The following HS2ST1 variants were observed in gnomAD, a reference collection of about 807,000 sequenced individuals.
HS2ST1 encodes 2-O-sulfotransferase.
In HS2ST1, 18 loss-of-function variants were observed where a neutral mutation model predicts 42.9. That is an observed-to-expected ratio of 0.42 (90% CI 0.29 to 0.62). The LOEUF is 0.62. Among genes scored for constraint, HS2ST1 ranks in the 20% least tolerant of loss-of-function variants. The pLI, the probability that HS2ST1 is intolerant of heterozygous loss-of-function variation, is 0.21. For synonymous variants in HS2ST1, 146 were observed against 152.9 expected (o/e 0.95, Z 0.33); for missense variants, 334 against 433.8 (o/e 0.77, Z 2.04).
chr1:87,093,040 T>A (rs1651983600), intron 4 of HS2ST1, among the ~76,000 whole-genome samples: 1 of 152,104 alleles, frequency 6.6e-6, no homozygotes, highest in Non-Finnish European at 1.5e-5. Context: ...AGGACACTAT[T>A]TTGCTGAAGC....
intron 1 of HS2ST1, among the ~76,000 whole-genome samples, chr1:86,934,160 C>T (rs1381854588): frequency 6.6e-6 from 1 of 152,154 alleles, no homozygotes; most frequent in Non-Finnish European, 1.5e-5. Context: ...TTGTATTTCT[C>T]TTCCCACAAG....
chr1:86,972,465 G>T (rs889968030), intron 1 of HS2ST1, among the ~76,000 whole-genome samples: 1 of 151,990 alleles, frequency 6.6e-6, no homozygotes, highest in Non-Finnish European at 1.5e-5. Flanking sequence ...CATCCTCCTG[G>T]CTCAGCCCCA....
intron 1 of HS2ST1, among the ~76,000 whole-genome samples, chr1:86,946,415 T>C (rs1311232668): frequency 1.3e-5 from 2 of 152,210 alleles, no homozygotes; most frequent in Non-Finnish European, 2.9e-5. Flanking sequence ...TAGAACTCTT[T>C]TTACCAAACT....
At chr1:87,095,112 A>C (rs568220499) in intron 4 of HS2ST1, among the ~76,000 whole-genome samples, 1 of 152,106 alleles carries the variant, frequency 6.6e-6, no homozygotes, top group Non-Finnish European at 1.5e-5. Flanking sequence ...GTTTATTGCA[A>C]ATAACTCCTT....
intron 3 of HS2ST1, among the ~76,000 whole-genome samples, chr1:87,084,738 G>A (rs570092735): frequency 4.6e-4 from 70 of 152,004 alleles, no homozygotes; most frequent in African/African-American, 1.6e-3. Flanking sequence ...GATGTATTAC[G>A]AGGCTTTTTT....
chr1:87,038,206 G>A (rs539528052), intron 1 of HS2ST1, among the ~76,000 whole-genome samples: 1 of 152,160 alleles, frequency 6.6e-6, no homozygotes, highest in South Asian at 2.1e-4. Context: ...ACAATCAGCA[G>A]TTATCTCATA....
intron 1 of HS2ST1, among the ~76,000 whole-genome samples, chr1:86,953,996 C>T (rs1160027059): frequency 7.0e-6 from 1 of 142,968 alleles, no homozygotes; most frequent in Non-Finnish European, 1.5e-5. Context: ...TTTGTGACGC[C>T]CCAAAACAAT....
At chr1:87,034,899 A>G (rs1442484099) in intron 1 of HS2ST1, among the ~76,000 whole-genome samples, 4 of 152,160 alleles carry the variant, frequency 2.6e-5, no homozygotes. Flanking sequence ...GGATCTTGAG[A>G]TGGGGCGATT....
chr1:86,931,635 G>A (rs61800751), intron 1 of HS2ST1, among the ~76,000 whole-genome samples: 13,491 of 152,012 alleles, frequency 0.089, 699 homozygotes, highest in Non-Finnish European at 0.12. Flanking sequence ...ATTTTGTGCC[G>A]TACATGATTT....
intron 1 of HS2ST1, among the ~76,000 whole-genome samples, chr1:86,989,722 C>T (rs1016516760): frequency 7.9e-5 from 12 of 152,156 alleles, no homozygotes; most frequent in Non-Finnish European, 1.6e-4. Flanking sequence ...CCTTGCCTAG[C>T]CCCCTAGCCC....
intron 4 of HS2ST1, among the ~76,000 whole-genome samples, chr1:87,095,404 T>C (rs1346508575): frequency 6.6e-6 from 1 of 152,216 alleles, no homozygotes; most frequent in Non-Finnish European, 1.5e-5. Context: ...TGTTTTAAAC[T>C]GACGTACTCT....
At chr1:87,057,605 ACT>A (rs1651003227) in intron 1 of HS2ST1, among the ~76,000 whole-genome samples, 1 of 145,702 alleles carries the variant, frequency 6.9e-6, no homozygotes, top group Non-Finnish European at 1.5e-5. Flanking sequence ...CACTCCCAGC[ACT>A]CTGGGAGGCC....
At position 87,084,265 on chromosome 1, in the gene HS2ST1, C is replaced by G; in HGVS notation, c.435C>G (p.Tyr145Ter). 1 of 1,602,392 alleles carries G rather than the reference C, an allele frequency of 6.2e-7. No individual in the cohort carries two copies. The highest frequency in any genetic ancestry group is 8.5e-7 in the Non-Finnish European group (1 of 1,172,868). ...GATTTTATCATGGACACGTTTCTTA[C>G]TTGGATTTTGCAAAGTAAGTTACAC... ...KPGFYHGHVS[Y>*]LDFAKFGVKK... The change falls in exon 3 of 7, where the codon TAC becomes TAG. Residue 145 changes from tyrosine (Y) to a stop codon, truncating the protein, a stop_gained. Transcript: ENST00000370550. LOFTEE classifies it high-confidence loss of function.
intron 1 of HS2ST1, among the ~76,000 whole-genome samples, chr1:87,069,983 CAAA>C (rs533142315): frequency 1.3e-5 from 2 of 152,072 alleles, no homozygotes; most frequent in Non-Finnish European, 1.5e-5. Context: ...TGAAATAACA[CAAA>C]AAATCTTTTT....
chr1:87,026,999 A>G (rs1254999700), intron 1 of HS2ST1, among the ~76,000 whole-genome samples: 2 of 152,214 alleles, frequency 1.3e-5, no homozygotes, highest in Non-Finnish European at 2.9e-5. Flanking sequence ...TGTTGGTAAT[A>G]GTCTGAAGCA....
At chr1:87,069,885 C>G in intron 1 of HS2ST1, among the ~76,000 whole-genome samples, 2 of 152,188 alleles carry the variant, frequency 1.3e-5, no homozygotes, top group Middle Eastern at 6.8e-3. Flanking sequence ...ATGGCCCTGC[C>G]GGAGGTGTAG....
At chr1:87,094,371 A>G (rs995280328) in intron 4 of HS2ST1, among the ~76,000 whole-genome samples, 6 of 152,072 alleles carry the variant, frequency 3.9e-5, no homozygotes, top group African/African-American at 1.2e-4. Flanking sequence ...AATAGCTCAC[A>G]TTTACTGTGC....
chr1:86,916,104 G>C (rs902343461), intron 1 of HS2ST1, among the ~76,000 whole-genome samples: 2 of 152,178 alleles, frequency 1.3e-5, no homozygotes, highest in Non-Finnish European at 2.9e-5. Flanking sequence ...ACAGATAATA[G>C]GTACTTTCGG....
chr1:86,999,546 T>A (rs900293360), intron 1 of HS2ST1, among the ~76,000 whole-genome samples: 8 of 152,362 alleles, frequency 5.3e-5, no homozygotes, highest in African/African-American at 1.9e-4. Context: ...TATCTATTAA[T>A]AATCTAGGTA....
Sources: allele counts gnomAD v4.1 joint callset (sites outside exome capture counted in the v4.1 genomes callset), GRCh38; gene constraint gnomAD v4.1.1; transcripts MANE v1.5; gene names NCBI Gene and HGNC (gene_info 2026-07-23, HGNC 2026-07-21).